Variants in HS2ST1 observed in about 807,000 individuals in gnomAD.
HS2ST1 encodes the protein 2-O-sulfotransferase.
In HS2ST1, 18 loss-of-function variants were observed where a neutral mutation model predicts 42.9. That is an observed-to-expected ratio of 0.42 (90% confidence interval 0.29 to 0.62). The LOEUF is 0.62. Ranked by LOEUF, HS2ST1 falls within the 20% of genes least tolerant of loss-of-function variation. The pLI is 0.21. For synonymous variants in HS2ST1, 146 were observed against 152.9 expected (o/e 0.95, Z 0.33); for missense variants, 334 against 433.8 (o/e 0.77, Z 2.04).
At chr1:86,949,014 C>T (rs1430313752) in intron 1 of HS2ST1, among the ~76,000 whole-genome samples, 1 of 151,936 alleles carries the variant, frequency 6.6e-6, no homozygotes, top group Non-Finnish European at 1.5e-5. Flanking sequence ...CTTCTTTTAC[C>T]GTATTATTAT....
At chr1:87,070,202 T>C (rs1466611149) in intron 1 of HS2ST1, among the ~76,000 whole-genome samples, 1 of 152,204 alleles carries the variant, frequency 6.6e-6, no homozygotes, top group African/African-American at 2.4e-5. Flanking sequence ...CTGTTGTATT[T>C]CCCTTAGTAG....
chr1:87,002,020 C>T (rs566659443), intron 1 of HS2ST1, among the ~76,000 whole-genome samples: 2 of 152,010 alleles, frequency 1.3e-5, no homozygotes, highest in African/African-American at 4.8e-5. Flanking sequence ...TCACGCCATT[C>T]TCCTACCTCA....
chr1:87,088,953 G>A (rs1331192883), intron 3 of HS2ST1, among the ~76,000 whole-genome samples: 2 of 152,032 alleles, frequency 1.3e-5, no homozygotes, highest in African/African-American at 2.4e-5. Context: ...GAATAACTAT[G>A]TACAATGTCT....
intron 1 of HS2ST1, among the ~76,000 whole-genome samples, chr1:86,947,736 T>C (rs1177056743): frequency 6.6e-6 from 1 of 152,160 alleles, no homozygotes; most frequent in Non-Finnish European, 1.5e-5. Flanking sequence ...AGTTATTATA[T>C]GCTGGGTGTG....
intron 1 of HS2ST1, among the ~76,000 whole-genome samples, chr1:87,023,773 TGAG>T (rs1021308636): frequency 1.3e-5 from 2 of 152,130 alleles, no homozygotes; most frequent in Non-Finnish European, 2.9e-5. Context: ...AATGTAAAAT[TGAG>T]GATTATTCTA....
At chr1:87,059,362 T>A (rs1651060229) in intron 1 of HS2ST1, among the ~76,000 whole-genome samples, 1 of 152,178 alleles carries the variant, frequency 6.6e-6, no homozygotes, top group Non-Finnish European at 1.5e-5. Context: ...TTCCAGAAGG[T>A]TTTTCTCCAA....
intron 5 of HS2ST1, among the ~76,000 whole-genome samples, chr1:87,099,186 A>T (rs890810874): frequency 1.3e-5 from 2 of 152,220 alleles, no homozygotes; most frequent in African/African-American, 4.8e-5. Flanking sequence ...GAGTAATTGT[A>T]ACCTAAACCA....
At chr1:87,098,695 C>G (rs1167660744) in intron 5 of HS2ST1, among the ~76,000 whole-genome samples, 2 of 152,130 alleles carry the variant, frequency 1.3e-5, no homozygotes, top group African/African-American at 4.8e-5. Flanking sequence ...ATAAAGAATG[C>G]CTTCTCAATT....
chr1:86,933,808 T>C (rs1362268097), intron 1 of HS2ST1, among the ~76,000 whole-genome samples: 1 of 145,946 alleles, frequency 6.9e-6, no homozygotes, highest in Non-Finnish European at 1.5e-5. Flanking sequence ...TGGCTAGGAG[T>C]TAGGCTGTGT....
intron 1 of HS2ST1, among the ~76,000 whole-genome samples, chr1:87,020,213 G>T (rs1013640651): frequency 6.6e-6 from 1 of 152,290 alleles, no homozygotes; most frequent in African/African-American, 2.4e-5. Context: ...TTCAAATCTT[G>T]TTGGCTCTAA....
chr1:86,963,202 C>T (rs1462780482), intron 1 of HS2ST1, among the ~76,000 whole-genome samples: 8 of 147,724 alleles, frequency 5.4e-5, no homozygotes, highest in South Asian at 2.1e-4. Context: ...GGGTGTTTCT[C>T]GCATAGGGGG....
intron 1 of HS2ST1, among the ~76,000 whole-genome samples, chr1:87,049,491 C>G (rs1650780003): frequency 2.0e-5 from 3 of 151,894 alleles, no homozygotes; most frequent in African/African-American, 2.4e-5. Context: ...GTTCAAAATG[C>G]TTTTCTACTT....
intron 1 of HS2ST1, chr1:87,046,334 A>C: frequency 4.0e-6 from 3 of 742,522 alleles, no homozygotes; most frequent in South Asian, 2.7e-5. Flanking sequence ...CAGAACCTAT[A>C]CATTGCATCT....
chr1:87,055,297 C>A (rs1323024767), intron 1 of HS2ST1, among the ~76,000 whole-genome samples: 2 of 152,116 alleles, frequency 1.3e-5, no homozygotes, highest in African/African-American at 4.8e-5. Flanking sequence ...ATTCTTCCTT[C>A]CCCAATTCTC....
At chr1:87,083,336 C>T (rs571470508) in intron 2 of HS2ST1, among the ~76,000 whole-genome samples, 31 of 152,238 alleles carry the variant, frequency 2.0e-4, no homozygotes, top group Non-Finnish European at 1.5e-4. Flanking sequence ...GGTTTCGGTG[C>T]GGTACAGGTT....
intron 1 of HS2ST1, among the ~76,000 whole-genome samples, chr1:86,942,452 C>T (rs1181748232): frequency 6.6e-6 from 1 of 152,030 alleles, no homozygotes; most frequent in African/African-American, 2.4e-5. Context: ...ATTAAAAGTG[C>T]TAAAGGAATG....
chr1:87,076,838 T>A (rs1053428393), intron 2 of HS2ST1, among the ~76,000 whole-genome samples: 4 of 152,358 alleles, frequency 2.6e-5, no homozygotes, highest in African/African-American at 9.6e-5. Context: ...TATAACCCCT[T>A]TTGTTAAAAC....
intron 1 of HS2ST1, among the ~76,000 whole-genome samples, chr1:87,006,007 G>A (rs1052582346): frequency 2.6e-5 from 4 of 151,956 alleles, no homozygotes; most frequent in African/African-American, 9.7e-5. Flanking sequence ...TAAAATTAGG[G>A]TTTTCATAAC....
chr1:86,945,933 C>T (rs768090830), intron 1 of HS2ST1, among the ~76,000 whole-genome samples: 8 of 151,994 alleles, frequency 5.3e-5, no homozygotes, highest in African/African-American at 9.7e-5. Context: ...AACCTTTATC[C>T]GAGGCTCTTT....
Sources: allele counts gnomAD v4.1 joint callset (sites outside exome capture counted in the v4.1 genomes callset), GRCh38; gene constraint gnomAD v4.1.1; transcripts MANE v1.5; gene names NCBI Gene and HGNC (gene_info 2026-07-23, HGNC 2026-07-21).